LYN: variants seen among roughly 807,000 people sequenced by gnomAD.
LYN encodes tyrosine-protein kinase Lyn.
Under a neutral mutation model 65.0 loss-of-function variants are expected in LYN, and 12 were observed. The observed-to-expected ratio is 0.18, with a 90% CI of 0.12 to 0.30. The LOEUF (loss-of-function observed/expected upper bound fraction) is 0.30, where lower values mean the gene tolerates loss of function less well. Ranked by LOEUF, LYN falls within the 10% of genes least tolerant of loss-of-function variation. LYN has a pLI of 1.00. For synonymous variants in LYN, 222 were observed against 221.2 expected (o/e 1.00, Z -0.03); for missense variants, 380 against 623.2 (o/e 0.61, Z 4.16).
At chr8:55,963,109 G>A (rs1300616934) in intron 8 of LYN, among the ~76,000 whole-genome samples, 1 of 152,206 alleles carries the variant, frequency 6.6e-6, no homozygotes, top group African/African-American at 2.4e-5. Flanking sequence ...ATTTGGAGAG[G>A]ACAAACATCC....
chr8:55,942,334 T>C (rs1433465320), intron 2 of LYN, among the ~76,000 whole-genome samples: 1 of 95,666 alleles, frequency 1.0e-5, no homozygotes, highest in Non-Finnish European at 2.2e-5. Context: ...TATATGTGTA[T>C]ATATATATGT....
chr8:55,939,784 C>A (rs530820601), intron 1 of LYN, among the ~76,000 whole-genome samples: 1 of 152,056 alleles, frequency 6.6e-6, no homozygotes, highest in South Asian at 2.1e-4. Flanking sequence ...GGTGACGGGG[C>A]GTGGGAGGGA....
At chr8:55,954,873 A>T (rs1424559386) in intron 8 of LYN, among the ~76,000 whole-genome samples, 1 of 145,892 alleles carries the variant, frequency 6.9e-6, no homozygotes, top group Non-Finnish European at 1.5e-5. Context: ...TAAATAAATA[A>T]AAGTTTTCAT....
At chr8:55,973,838 T>C (rs1465464923) in intron 10 of LYN, among the ~76,000 whole-genome samples, 1 of 152,206 alleles carries the variant, frequency 6.6e-6, no homozygotes, top group Non-Finnish European at 1.5e-5. Flanking sequence ...CTCAGCTACT[T>C]GGGAGGCTGA....
At chr8:55,917,041 G>A (rs900521309) in intron 1 of LYN, among the ~76,000 whole-genome samples, 25 of 152,100 alleles carry the variant, frequency 1.6e-4, no homozygotes, top group African/African-American at 5.3e-4. Flanking sequence ...GCCAGGCGCC[G>A]TGGTGCATGC....
At position 55,946,496 on chromosome 8, in the gene LYN, A is replaced by G; in HGVS notation, c.178+3A>G. ...TGGACAGAGGTTTCAAACTAAAGGT[A>G]TGTTTTCATAGCAACATAGTTAAAA... On this transcript the variant is annotated splice_donor_region_variant and intron_variant, in intron 3 of 12. Coordinates refer to ENST00000519728, the MANE Select transcript of LYN (RefSeq NM_002350.4). The G allele has an allele frequency of 1.3e-6, 2 of 1,595,980 alleles. No homozygotes were observed. The highest frequency in any genetic ancestry group is 1.7e-6 in the Non-Finnish European group (2 of 1,165,176).
chr8:55,958,043 G>T (rs1190476454), intron 8 of LYN, among the ~76,000 whole-genome samples: 1 of 152,174 alleles, frequency 6.6e-6, no homozygotes, highest in Non-Finnish European at 1.5e-5. Context: ...CCTGCAGGGG[G>T]TGCCTGGCGA....
intron 1 of LYN, among the ~76,000 whole-genome samples, chr8:55,910,983 G>A (rs1217546423): frequency 6.3e-5 from 9 of 143,516 alleles, no homozygotes; most frequent in East Asian, 2.0e-4. Context: ...TGCAACCTCC[G>A]CTTCCCGGGT....
intron 10 of LYN, among the ~76,000 whole-genome samples, chr8:55,985,717 C>T (rs1808055933): frequency 6.6e-6 from 1 of 152,126 alleles, no homozygotes; most frequent in African/African-American, 2.4e-5. Context: ...TCTGTCTTCC[C>T]CCATCAAAGA....
In LYN at chr8:55,901,095, T is replaced by C. The variant is rs139618977; in HGVS notation, c.-6+20992T>C. ...GTGATGTAAACCATACTGCCAGTGC[T>C]TTTGCTCAGCACTTGGGCACTTCGT... On this transcript the variant is annotated intron_variant, in intron 1 of 12. Coordinates refer to ENST00000519728, the MANE Select transcript of LYN (RefSeq NM_002350.4). 8.0e-4 allele frequency among the ~76,000 whole-genome samples: 122 copies of C among 152,286 alleles called. 1 individual carries two copies. Among genetic ancestry groups the C allele is most frequent in the African/African-American group, 2.8e-3 (116 of 41,570 alleles).
chr8:55,990,906 A>G (rs1808227870), intron 10 of LYN, among the ~76,000 whole-genome samples: 1 of 152,218 alleles, frequency 6.6e-6, no homozygotes, highest in Admixed American at 6.5e-5. Flanking sequence ...TACCCTGGGG[A>G]AAAAGTTATT....
At position 56,012,398 on chromosome 8, in the gene LYN, C is replaced by T. The variant is rs1282818118; in HGVS notation, c.*2288C>T. The T allele has an allele frequency of 1.1e-5, 2 of 178,460 alleles. No homozygotes were observed. Among genetic ancestry groups the T allele is most frequent in the Non-Finnish European group, 1.2e-5 (1 of 83,190 alleles). 11.1% of individuals were successfully genotyped at this position (178,460 alleles called of 1,614,324 possible). A position where few individuals can be genotyped will look rare whatever the true frequency, so the allele number is the denominator to read the frequency against. On this transcript the variant is annotated 3_prime_UTR_variant, in exon 13 of 13. Coordinates refer to ENST00000519728, the MANE Select transcript of LYN (RefSeq NM_002350.4). ...CCAAGATTCTGACTTAGCTGTTGTG[C>T]AGCGGGAGATGTATGTCAGTCTATT...
chr8:55,937,959 A>C (rs556960878), intron 1 of LYN, among the ~76,000 whole-genome samples: 1 of 152,242 alleles, frequency 6.6e-6, no homozygotes, highest in East Asian at 1.9e-4. Flanking sequence ...GGCCTCCCAA[A>C]GTTCTGGGAT....
intron 10 of LYN, among the ~76,000 whole-genome samples, chr8:55,990,234 G>A (rs1808209253): frequency 2.1e-5 from 2 of 94,078 alleles, no homozygotes; most frequent in East Asian, 5.3e-4. Context: ...GTGAGACTCT[G>A]CCTCCAAAAA....
intron 8 of LYN, among the ~76,000 whole-genome samples, chr8:55,966,268 A>G (rs773556563): frequency 6.6e-6 from 1 of 152,168 alleles, no homozygotes; most frequent in Non-Finnish European, 1.5e-5. Flanking sequence ...CTTTTCATCT[A>G]GCCTCCCCTA....
At chr8:55,880,453 C>CCTGCTCCGGCCGCTT (rs1804621782) in intron 1 of LYN, among the ~76,000 whole-genome samples, 1 of 152,166 alleles carries the variant, frequency 6.6e-6, no homozygotes, top group Non-Finnish European at 1.5e-5. Context: ...GGCTGCTGTC[C>CCTGCTCCGGCCGCTT]CTGCTCCGGC....
intron 1 of LYN, among the ~76,000 whole-genome samples, chr8:55,934,734 G>A (rs551817044): frequency 6.6e-6 from 1 of 152,104 alleles, no homozygotes; most frequent in East Asian, 1.9e-4. Flanking sequence ...GTTGAGGGGG[G>A]TGCACCCTGT....
chr8:55,914,310 C>G (rs1011107054), intron 1 of LYN, among the ~76,000 whole-genome samples: 3 of 151,876 alleles, frequency 2.0e-5, no homozygotes, highest in Non-Finnish European at 4.4e-5. Context: ...TCTAAGGGGG[C>G]CAGTCCTGCT....
At chr8:55,957,988 T>C (rs1807168631) in intron 8 of LYN, among the ~76,000 whole-genome samples, 1 of 152,162 alleles carries the variant, frequency 6.6e-6, no homozygotes, top group African/African-American at 2.4e-5. Context: ...CCAGCCTGGA[T>C]GCCTGGCATC....
Sources: allele counts gnomAD v4.1 joint callset (sites outside exome capture counted in the v4.1 genomes callset), GRCh38; gene constraint gnomAD v4.1.1; transcripts MANE v1.5; gene names NCBI Gene and HGNC (gene_info 2026-07-23, HGNC 2026-07-21).